DNAH11: variants seen among roughly 807,000 people sequenced by gnomAD.
DNAH11 encodes dynein axonemal heavy chain 11.
A neutral mutation model predicts 526.0 loss-of-function variants in DNAH11; 442 were observed. That is an observed-to-expected ratio of 0.84 (90% CI 0.78 to 0.91). The LOEUF (loss-of-function observed/expected upper bound fraction) is 0.91. Ranked by LOEUF, DNAH11 falls within the 40% of genes least tolerant of loss-of-function variation. The pLI is 0.00. For synonymous variants in DNAH11, 2,461 were observed against 1,935.9 expected (o/e 1.27, Z -7.12); for missense variants, 6,989 against 5,448.7 (o/e 1.28, Z -8.90).
At chr7:21,832,103 T>C (rs1225015058) in intron 65 of DNAH11, among the ~76,000 whole-genome samples, 1 of 150,032 alleles carries the variant, frequency 6.7e-6, no homozygotes, top group Non-Finnish European at 1.5e-5. Flanking sequence ...AAAAAAAAGC[T>C]TCTGTCACTT....
Position 21,900,990 on chromosome 7 carries a change from C to T in DNAH11, c.13304-17C>T, listed in dbSNP as rs746521380. ...GCAAGCTGCCACACAATTGCAACCG[C>T]TGTGTTTTTGCCATAGGCGCCCGCT... On this transcript the variant is annotated splice_polypyrimidine_tract_variant and intron_variant, in intron 81 of 81. Transcript: ENST00000409508. The T allele has an allele frequency of 6.4e-7, 1 of 1,563,648 alleles. No individual in the cohort carries two copies. The highest frequency in any genetic ancestry group is 1.4e-5 in the African/African-American group (1 of 72,776).
intron 54 of DNAH11, among the ~76,000 whole-genome samples, chr7:21,757,682 A>T (rs1260938203): frequency 6.6e-6 from 1 of 152,130 alleles, no homozygotes; most frequent in Admixed American, 6.6e-5. Context: ...TTCACAGCTA[A>T]AGTCTGGCGA....
chr7:21,617,486 T>G, intron 22 of DNAH11, 133 bp from the exon 23 acceptor site: 1 of 1,062,376 alleles, frequency 9.4e-7, no homozygotes, highest in Non-Finnish European at 1.3e-6. Flanking sequence ...GTTTTGCTCC[T>G]TGGTCTAGGA....
At chr7:21,704,678 A>T in intron 38 of DNAH11, 50 bp downstream of exon 38, 1 of 1,565,348 alleles carries the variant, frequency 6.4e-7, no homozygotes, top group Non-Finnish European at 8.6e-7. Flanking sequence ...TGTCAGTGGA[A>T]ATAATTGTGG....
chr7:21,820,988 A>G lies in DNAH11; in HGVS notation c.10691+2649A>G, dbSNP rs148714457. The stretch of plus-strand genomic sequence containing the variant: ...ATAATTGCAGTAATCCATTTGAGAC[A>G]TGGTATGAGCCTAAACTTAGGCAGT... On this transcript the variant is annotated intron_variant, in intron 65 of 81. Transcript: ENST00000409508. Among the ~76,000 whole-genome samples the G allele has an allele frequency of 1.6e-4, 25 of 152,316 alleles. No homozygotes were observed. The East Asian group carries it at 4.6e-3, about 28-fold the overall frequency.
intron 79 of DNAH11, among the ~76,000 whole-genome samples, chr7:21,897,657 C>T (rs149790202): frequency 0.015 from 2,304 of 152,184 alleles, 30 homozygotes; most frequent in Non-Finnish European, 0.02. Flanking sequence ...ATTCTGTTGC[C>T]TAGGCTGGAG....
In DNAH11 at chr7:21,786,645, G is replaced by T; in HGVS notation, c.9619G>T (p.Ala3207Ser). 6.2e-7 allele frequency: 1 copy of T among 1,613,282 alleles called. No individual in the cohort carries two copies. The highest frequency in any genetic ancestry group is 8.5e-7 in the Non-Finnish European group (1 of 1,179,406). ...LNRVNLSELK[A>S]FPNPPIAVTN... ...TCAGGTCAACCTCAGTGAGCTGAAA[G>T]CCTTTCCCAACCCTCCCATCGCAGT... The change falls in exon 59 of 82, where the codon GCC becomes TCC. Residue 3207 changes from alanine (A) to serine (S), a missense_variant. By Grantham distance (99) the Ala-to-Ser change is moderately conservative (BLOSUM62 1). Coordinates refer to ENST00000409508, the MANE Select transcript of DNAH11 (RefSeq NM_001277115.2).
intron 66 of DNAH11, among the ~76,000 whole-genome samples, chr7:21,848,028 G>T (rs866312793): frequency 1.3e-5 from 2 of 151,956 alleles, no homozygotes; most frequent in African/African-American, 4.8e-5. Context: ...TTAGCTGGGC[G>T]TGGTGGCGGG....
intron 43 of DNAH11, among the ~76,000 whole-genome samples, chr7:21,718,497 G>T (rs559845177): frequency 2.0e-4 from 31 of 152,294 alleles, no homozygotes; most frequent in African/African-American, 7.2e-4. Context: ...AGGAGTGTCA[G>T]TCTGGATGAA....
chr7:21,682,201 T>C (rs1783171293), intron 31 of DNAH11, among the ~76,000 whole-genome samples: 1 of 152,204 alleles, frequency 6.6e-6, no homozygotes, highest in African/African-American at 2.4e-5. Context: ...TTCTAATTCT[T>C]TTAGTATACT....
chr7:21,887,485 C>G (rs577138820), intron 76 of DNAH11, among the ~76,000 whole-genome samples: 13 of 152,072 alleles, frequency 8.5e-5, no homozygotes, highest in African/African-American at 3.1e-4. Context: ...AAAACAAAGA[C>G]AAAAAACACC....
chr7:21,612,131 T>A (rs1785545211), intron 20 of DNAH11, among the ~76,000 whole-genome samples: 1 of 152,086 alleles, frequency 6.6e-6, no homozygotes, highest in Non-Finnish European at 1.5e-5. Context: ...GGATAAATTT[T>A]TAGAAAAATA....
intron 52 of DNAH11, among the ~76,000 whole-genome samples, chr7:21,749,476 C>T (rs1206126642): frequency 6.6e-6 from 1 of 152,132 alleles, no homozygotes; most frequent in Non-Finnish European, 1.5e-5. Flanking sequence ...CGACACTCAA[C>T]CTTACGAGTC....
intron 63 of DNAH11, among the ~76,000 whole-genome samples, chr7:21,809,115 A>G (rs189499083): frequency 2.6e-5 from 4 of 152,104 alleles, no homozygotes; most frequent in Non-Finnish European, 2.9e-5. Context: ...TTGGATTTAC[A>G]TTTCCCTGAT....
intron 52 of DNAH11, among the ~76,000 whole-genome samples, chr7:21,749,413 A>G (rs1330629595): frequency 6.6e-6 from 1 of 152,068 alleles, no homozygotes; most frequent in Non-Finnish European, 1.5e-5. Context: ...GTGAGAAGGG[A>G]GTTGGTGATC....
rs1562506648 is a variant in DNAH11, at chr7:21,717,877, A to G, written c.7086A>G (p.Arg2362=). The change falls in exon 43 of 82, where the codon AGA becomes AGG. Residue 2362 remains arginine (R), a synonymous_variant. Coordinates refer to ENST00000409508, the MANE Select transcript of DNAH11 (RefSeq NM_001277115.2). ...TCCCTGCATGCTTGGATAAACTGAG[A>G]ACAAGCTTTAAAACCATCACTTCAA... The part of the protein sequence containing the change: ...KYVPACLDKL[R]TSFKTITSIP... The G allele has an allele frequency of 6.2e-7, 1 of 1,613,844 alleles. No homozygotes were observed. The highest frequency in any genetic ancestry group is 8.5e-7 in the Non-Finnish European group (1 of 1,179,808).
chr7:21,547,476 A>G (rs1301655688), intron 2 of DNAH11, among the ~76,000 whole-genome samples: 1 of 152,178 alleles, frequency 6.6e-6, no homozygotes, highest in Non-Finnish European at 1.5e-5. Flanking sequence ...CTAGCATGTA[A>G]GCCCCTCTCC....
chr7:21,627,357 C>A (rs114730429), intron 25 of DNAH11, among the ~76,000 whole-genome samples: 1,792 of 152,246 alleles, frequency 0.012, 26 homozygotes, highest in African/African-American at 0.04. Context: ...TTTGCCCACA[C>A]TAAAGTCCTG....
intron 61 of DNAH11, among the ~76,000 whole-genome samples, chr7:21,793,343 C>A (rs1290136988): frequency 1.3e-5 from 2 of 152,146 alleles, no homozygotes; most frequent in Admixed American, 6.5e-5. Flanking sequence ...TCAGGCTGGG[C>A]GTGGTGGCTC....
Sources: allele counts gnomAD v4.1 joint callset (sites outside exome capture counted in the v4.1 genomes callset), GRCh38; gene constraint gnomAD v4.1.1; transcripts MANE v1.5; gene names NCBI Gene and HGNC (gene_info 2026-07-23, HGNC 2026-07-21).